ARMC9: variants seen among roughly 807,000 people sequenced by gnomAD.
ARMC9 encodes the protein lisH domain-containing protein ARMC9.
In ARMC9, 94 loss-of-function variants were observed where a neutral mutation model predicts 107.0. The observed-to-expected ratio is 0.88, with a 90% CI of 0.74 to 1.04. ARMC9 has a LOEUF of 1.04. Ranked by LOEUF, ARMC9 falls within the 50% of genes least tolerant of loss-of-function variation. The pLI is 0.00. For missense variants in ARMC9, 942 were observed against 1,030.1 expected (o/e 0.91, Z 1.17); for synonymous variants, 380 against 396.9 (o/e 0.96, Z 0.51).
chr2:231,244,073 G>A (rs1416080935), intron 9 of ARMC9, among the ~76,000 whole-genome samples: 2 of 152,198 alleles, frequency 1.3e-5, no homozygotes, highest in African/African-American at 2.4e-5. Context: ...GAGCTTGAGT[G>A]TTACTGCTAA....
At chr2:231,308,750 T>C (rs1000097807) in intron 19 of ARMC9, among the ~76,000 whole-genome samples, 3 of 152,220 alleles carry the variant, frequency 2.0e-5, no homozygotes, top group African/African-American at 7.2e-5. Flanking sequence ...AGAGACATAC[T>C]GTTGAGGGTT....
chr2:231,238,858 G>T (rs902884360), intron 8 of ARMC9, among the ~76,000 whole-genome samples: 7 of 152,228 alleles, frequency 4.6e-5, no homozygotes, highest in South Asian at 2.1e-4. Flanking sequence ...CAGACCAGAA[G>T]TTTGTAGCAG....
At chr2:231,273,219 C>G (rs1001759215) in intron 14 of ARMC9, 141 bp downstream of exon 14, 2 of 1,188,566 alleles carry the variant, frequency 1.7e-6, no homozygotes, top group Non-Finnish European at 2.4e-6. Flanking sequence ...AGCTAGAAAG[C>G]TTATCTGTAA....
intron 3 of ARMC9, among the ~76,000 whole-genome samples, chr2:231,208,552 A>G (rs183467397): frequency 1.3e-5 from 2 of 152,352 alleles, no homozygotes; most frequent in African/African-American, 4.8e-5. Flanking sequence ...GTTTCAGGTT[A>G]TTAATTCTAG....
chr2:231,201,507 C>T (rs969281120), intron 1 of ARMC9, among the ~76,000 whole-genome samples: 1 of 152,226 alleles, frequency 6.6e-6, no homozygotes, highest in Non-Finnish European at 1.5e-5. Flanking sequence ...TGCCCACTCC[C>T]GTGGTCGGGA....
At chr2:231,312,901 T>A (rs2042438049) in intron 19 of ARMC9, among the ~76,000 whole-genome samples, 2 of 152,174 alleles carry the variant, frequency 1.3e-5, no homozygotes, top group Admixed American at 1.3e-4. Context: ...CTTTTTTGTT[T>A]CCTCCTAGTT....
At chr2:231,323,620 T>A (rs1170197139) in intron 19 of ARMC9, among the ~76,000 whole-genome samples, 3 of 152,152 alleles carry the variant, frequency 2.0e-5, no homozygotes, top group Non-Finnish European at 4.4e-5. Context: ...ACCATGGCAG[T>A]GACTTGTTTA....
intron 19 of ARMC9, among the ~76,000 whole-genome samples, chr2:231,330,229 C>CTTTTTTTT (rs201716312): frequency 7.4e-6 from 1 of 134,838 alleles, no homozygotes; most frequent in Non-Finnish European, 1.6e-5. Flanking sequence ...CTTTTTCTTT[C>CTTTTTTTT]TTTTTTTTTT....
rs10200690 is a variant in ARMC9 at position 231,237,876 on chromosome 2, G to C, written c.781-2067G>C. Among the ~76,000 whole-genome samples, 14 of 137,856 alleles carry C rather than the reference G, an allele frequency of 1.0e-4. No homozygotes were observed. In the Admixed American group the frequency reaches 1.1e-3, roughly 11 times the overall value. The allele number at this position is 137,856 out of a possible 152,430, so 90.4% of individuals were successfully genotyped here. A position where few individuals can be genotyped will look rare whatever the true frequency, so the allele number is the denominator to read the frequency against. ...TTTAAGCAAGAAAGTGACATGATCA[G>C]ATTGGCTTGTTAGAGAAATGGTTCT... On this transcript the variant is annotated intron_variant, in intron 8 of 24. Transcript: ENST00000611582.
intron 19 of ARMC9, among the ~76,000 whole-genome samples, chr2:231,321,753 T>C (rs2043006993): frequency 1.3e-5 from 2 of 152,174 alleles, no homozygotes; most frequent in Admixed American, 1.3e-4. Context: ...ACCCTCTTCC[T>C]CTTCTCCATG....
intron 23 of ARMC9, among the ~76,000 whole-genome samples, chr2:231,361,556 G>A (rs1483421463): frequency 6.6e-6 from 1 of 151,690 alleles, no homozygotes; most frequent in Non-Finnish European, 1.5e-5. Context: ...GCACAGACTG[G>A]CCCTGTGGGT....
intron 7 of ARMC9, among the ~76,000 whole-genome samples, chr2:231,231,416 C>T (rs1014493481): frequency 3.3e-5 from 5 of 152,092 alleles, no homozygotes; most frequent in African/African-American, 4.8e-5. Context: ...TTTGAGACAG[C>T]GCTGTTGCCC....
At chr2:231,243,267 G>T (rs929430576) in intron 9 of ARMC9, among the ~76,000 whole-genome samples, 1 of 147,784 alleles carries the variant, frequency 6.8e-6, no homozygotes, top group East Asian at 2.0e-4. Context: ...AAAAAAATTA[G>T]TTGGGCTTGG....
intron 16 of ARMC9, 82 bp downstream of exon 16, chr2:231,278,540 T>C (rs975841201): frequency 5.7e-6 from 7 of 1,221,554 alleles, no homozygotes; most frequent in Non-Finnish European, 8.4e-6. Context: ...GGCACACAGC[T>C]GGCCCAGGAT....
intron 20 of ARMC9, among the ~76,000 whole-genome samples, chr2:231,343,196 A>T (rs1325697161): frequency 6.6e-6 from 1 of 151,936 alleles, no homozygotes. Flanking sequence ...TACAGGTGTG[A>T]GCCACTGTAC....
At position 231,328,819 on chromosome 2, in the gene ARMC9, C is replaced by CTT. The variant is rs781598910; in HGVS notation, c.1774-2962_1774-2961dup. The stretch of plus-strand genomic sequence containing the variant: ...GTTCAATTTTCTTTTCTTTTCTTTT[C>CTT]TTTTTTTTTTTTTGAGTCGGAGTCT... On this transcript the variant is annotated intron_variant, in intron 19 of 24. Transcript: ENST00000611582. 4.5e-4 allele frequency among the ~76,000 whole-genome samples: 52 copies of CTT among 115,226 alleles called. 4 individuals are homozygous for CTT. The Middle Eastern group carries it at 0.03, about 66-fold the overall frequency. 75.6% of individuals were successfully genotyped at this position (115,226 alleles called of 152,430 possible).
chr2:231,337,629 C>T (rs1410536730), intron 20 of ARMC9, among the ~76,000 whole-genome samples: 3 of 150,732 alleles, frequency 2.0e-5, no homozygotes, highest in African/African-American at 7.4e-5. Flanking sequence ...GCCACTACGC[C>T]CGGCTAGTTT....
intron 17 of ARMC9, among the ~76,000 whole-genome samples, chr2:231,290,577 A>G (rs2040919485): frequency 6.6e-6 from 1 of 152,234 alleles, no homozygotes; most frequent in South Asian, 2.1e-4. Context: ...GTATGGACTC[A>G]TTCAAATCCT....
chr2:231,302,066 T>C (rs2041766028), intron 19 of ARMC9, among the ~76,000 whole-genome samples: 1 of 152,226 alleles, frequency 6.6e-6, no homozygotes, highest in South Asian at 2.1e-4. Flanking sequence ...AAATTTTACA[T>C]GTAGTCTCCT....
Sources: allele counts gnomAD v4.1 joint callset (sites outside exome capture counted in the v4.1 genomes callset), GRCh38; gene constraint gnomAD v4.1.1; transcripts MANE v1.5; gene names NCBI Gene and HGNC (gene_info 2026-07-23, HGNC 2026-07-21).